EXD3: variants seen among roughly 807,000 people sequenced by gnomAD.
EXD3 encodes the protein exonuclease mut-7 homolog.
A neutral mutation model predicts 98.0 loss-of-function variants in EXD3; 92 were observed. The observed-to-expected ratio is 0.94, with a 90% CI of 0.79 to 1.12. The LOEUF (loss-of-function observed/expected upper bound fraction) is 1.12, where lower values mean the gene tolerates loss of function less well. Among genes scored for constraint, EXD3 ranks in the 50% most tolerant of loss-of-function variants. EXD3 has a pLI of 0.00. For missense variants in EXD3, 1,222 were observed against 1,191.6 expected, an observed-to-expected ratio of 1.03 and a Z score of -0.38; for synonymous variants, 569 against 526.0, an observed-to-expected ratio of 1.08 and a Z score of -1.12.
At chr9:137,319,928 A>G (rs75921011) in intron 19 of EXD3, among the ~76,000 whole-genome samples, 7,219 of 152,230 alleles carry the variant, frequency 0.047, 207 homozygotes, top group East Asian at 0.15. Flanking sequence ...CCCCAGCCCC[A>G]ACAAGGGCCT....
intron 17 of EXD3, among the ~76,000 whole-genome samples, chr9:137,331,780 G>C (rs1833074119): frequency 6.6e-6 from 1 of 152,114 alleles, no homozygotes; most frequent in Non-Finnish European, 1.5e-5. Context: ...GCGAGGTGTG[G>C]TGGTGCACGC....
intron 17 of EXD3, among the ~76,000 whole-genome samples, chr9:137,329,939 A>G (rs1291817024): frequency 1.7e-5 from 1 of 59,436 alleles, no homozygotes; most frequent in Non-Finnish European, 3.2e-5. Flanking sequence ...ACTACACAGG[A>G]CTATGCAGGA....
At chr9:137,315,589 C>A (rs1262907587) in intron 19 of EXD3, among the ~76,000 whole-genome samples, 1 of 152,144 alleles carries the variant, frequency 6.6e-6, no homozygotes, top group Non-Finnish European at 1.5e-5. Context: ...GGGTCTCCCA[C>A]TCACATGGGA....
At position 137,370,427 on chromosome 9, in the gene EXD3, G is replaced by A. The variant is rs142405290; in HGVS notation, c.463-2438C>T. 4.1e-4 allele frequency among the ~76,000 whole-genome samples: 63 copies of A among 152,104 alleles called. 1 individual carries two copies. The highest frequency in any genetic ancestry group is 3.0e-3 in the Admixed American group (46 of 15,280). ...CGTGGGAGGAACGAGCCCGGGGCTG[G>A]GCCATGAGGACAGATGGGGCAAACT... On this transcript the variant is annotated intron_variant, in intron 5 of 21. Transcript: ENST00000340951.
Position 137,354,087 on chromosome 9 carries a change from C to A in EXD3, c.870+252G>T, listed in dbSNP as rs1308182676. On this transcript the variant is annotated intron_variant, in intron 10 of 21. Coordinates refer to ENST00000340951, the MANE Select transcript of EXD3 (RefSeq NM_017820.5). ...AGCTCCGCTGGGTTGGTTCGGGTGG[C>A]ACGGACGCTGCCGTCTGCCTGGAAC... 5 of 1,250,912 alleles carry A rather than the reference C, an allele frequency of 4.0e-6. No individual in the cohort carries two copies. The South Asian group carries it at 1.5e-4, about 38-fold the overall frequency. The allele number at this position is 1,250,912 out of a possible 1,614,324, so 77.5% of individuals were successfully genotyped here.
intron 17 of EXD3, among the ~76,000 whole-genome samples, chr9:137,344,863 T>C (rs1833840193): frequency 6.6e-6 from 1 of 151,056 alleles, no homozygotes; most frequent in South Asian, 2.1e-4. Context: ...GGCTGCACCT[T>C]CCACTGTCTG....
intron 20 of EXD3, among the ~76,000 whole-genome samples, chr9:137,309,365 T>C (rs1307282699): frequency 1.3e-5 from 2 of 152,144 alleles, no homozygotes; most frequent in Non-Finnish European, 2.9e-5. Flanking sequence ...GGCCCTGGTG[T>C]CCTGATCTTC....
intron 3 of EXD3, among the ~76,000 whole-genome samples, chr9:137,374,347 G>C (rs900372934): frequency 6.6e-6 from 1 of 152,248 alleles, no homozygotes. Flanking sequence ...GCAAGAGGGT[G>C]AGTTCCCAGC....
intron 3 of EXD3, among the ~76,000 whole-genome samples, chr9:137,376,160 C>T (rs1400878012): frequency 6.6e-6 from 1 of 151,640 alleles, no homozygotes; most frequent in Non-Finnish European, 1.5e-5. Flanking sequence ...CTGGCTAACA[C>T]AGTGAAACCT....
At chr9:137,366,239 A>T in intron 7 of EXD3, 1 of 703,960 alleles carries the variant, frequency 1.4e-6, no homozygotes, top group Middle Eastern at 2.3e-4. Flanking sequence ...GCCACCACGG[A>T]GAATTATTTT....
chr9:137,307,674 G>A lies in EXD3; in HGVS notation c.2279-28C>T, dbSNP rs768119214. The A allele has an allele frequency of 3.1e-6, 5 of 1,606,970 alleles. No individual in the cohort carries two copies. The South Asian group carries it at 4.4e-5, about 14-fold the overall frequency. ...GTCAGTCAAGGAAGAGAGCTGGTCCGGGACTGTCCTAGGGATGGGGCTTGG... is the reference window on the plus strand; with the variant it reads ...GTCAGTCAAGGAAGAGAGCTGGTCCAGGACTGTCCTAGGGATGGGGCTTGG... On this transcript the variant is annotated intron_variant, in intron 20 of 21. Coordinates refer to ENST00000340951, the MANE Select transcript of EXD3 (RefSeq NM_017820.5).
chr9:137,401,770 C>T (rs992048576), intron 1 of EXD3, among the ~76,000 whole-genome samples: 1 of 152,184 alleles, frequency 6.6e-6, no homozygotes. Context: ...CTGGGCCCAG[C>T]CCACAAAACC....
intron 5 of EXD3, among the ~76,000 whole-genome samples, chr9:137,372,604 T>A (rs2131680791): frequency 6.6e-6 from 1 of 152,304 alleles, no homozygotes; most frequent in African/African-American, 2.4e-5. Context: ...CAGGCCCACC[T>A]AGGACCCTGT....
chr9:137,354,551 G>A (rs1449605396), intron 9 of EXD3, 149 bp downstream of exon 9: 1 of 1,536,766 alleles, frequency 6.5e-7, no homozygotes, highest in Non-Finnish European at 8.7e-7. Flanking sequence ...CTTCACCCAG[G>A]CCTGGCCCAG....
At chr9:137,317,839 G>A (rs1255729384) in intron 19 of EXD3, among the ~76,000 whole-genome samples, 3 of 152,158 alleles carry the variant, frequency 2.0e-5, no homozygotes, top group Non-Finnish European at 4.4e-5. Context: ...TGGAGGGCCC[G>A]TCTTCCTCCA....
chr9:137,366,237 G>A (rs747510759), intron 7 of EXD3: 81 of 703,776 alleles, frequency 1.2e-4, no homozygotes, highest in Non-Finnish European at 1.4e-4. Flanking sequence ...GAGCCACCAC[G>A]GAGAATTATT....
rs1832677751 is a variant in EXD3, at chr9:137,328,703, CACACGGGACT to C, written c.1999-4570_1999-4561del. 6.5e-4 allele frequency among the ~76,000 whole-genome samples: 18 copies of C among 27,646 alleles called. No homozygotes were observed. In the South Asian group the frequency reaches 7.9e-3, roughly 12 times the overall value. The allele number at this position is 27,646 out of a possible 152,430, so 18.1% of individuals were successfully genotyped here. On this transcript the variant is annotated intron_variant, in intron 17 of 21. Coordinates refer to ENST00000340951, the MANE Select transcript of EXD3 (RefSeq NM_017820.5). ...GGGGCTACACGGGACTACACAGGGTCACACGGGACTACACGGGACTACACGGGACTACACG... is the reference window on the plus strand; with the variant it reads ...GGGGCTACACGGGACTACACAGGGTCACACGGGACTACACGGGACTACACG...
At chr9:137,334,523 C>G (rs1184137114) in intron 17 of EXD3, among the ~76,000 whole-genome samples, 4 of 152,030 alleles carry the variant, frequency 2.6e-5, no homozygotes, top group African/African-American at 9.7e-5. Flanking sequence ...GGAAAACTGG[C>G]TAGCCACATG....
rs868119035 is a variant in EXD3 at position 137,371,343 on chromosome 9, C to T, written c.462+1562G>A. ...GCGCCATGCACCCGCCGCGAGACGA[C>T]GGCCCCGGGCGTGGCAGGTGACAGC... On this transcript the variant is annotated intron_variant, in intron 5 of 21. Transcript: ENST00000340951. This position sits in a 1 kb window ranked among gnomAD's most constrained non-coding sequence, Gnocchi z 8.0. 6.6e-5 allele frequency among the ~76,000 whole-genome samples: 10 copies of T among 152,194 alleles called. No homozygotes were observed. The highest frequency in any genetic ancestry group is 9.6e-5 in the African/African-American group (4 of 41,456).
Sources: allele counts gnomAD v4.1 joint callset (sites outside exome capture counted in the v4.1 genomes callset), GRCh38; gene constraint gnomAD v4.1.1; non-coding constraint Gnocchi (gnomAD v3.1); transcripts MANE v1.5; gene names NCBI Gene and HGNC (gene_info 2026-07-23, HGNC 2026-07-21).